DCDC1: variants seen among roughly 807,000 people sequenced by gnomAD.
DCDC1 encodes the protein doublecortin domain containing 1.
DCDC1 carries 200 observed loss-of-function variants against 178.3 expected under a neutral mutation model. The observed-to-expected ratio is 1.12, with a 90% confidence interval of 1.00 to 1.26. The LOEUF (loss-of-function observed/expected upper bound fraction) is 1.26. DCDC1 is among the 50% of genes most tolerant of loss of function. The pLI is 0.00. For missense variants in DCDC1, 1,983 were observed against 1,749.2 expected, an observed-to-expected ratio of 1.13 and a Z score of -2.38; for synonymous variants, 690 against 604.8, an observed-to-expected ratio of 1.14 and a Z score of -2.07.
intron 18 of DCDC1, among the ~76,000 whole-genome samples, chr11:31,075,918 G>C (rs1956835871): frequency 6.6e-6 from 1 of 152,130 alleles, no homozygotes; most frequent in African/African-American, 2.4e-5. Flanking sequence ...GGAGTGCAAT[G>C]GTGCGATCTT....
intron 9 of DCDC1, among the ~76,000 whole-genome samples, chr11:31,199,406 A>C (rs143368324): frequency 6.6e-6 from 1 of 152,222 alleles, no homozygotes; most frequent in East Asian, 1.9e-4. Flanking sequence ...CCTGGCCAAA[A>C]ATAATGAGTC....
chr11:31,143,234 G>T (rs1029873219), intron 9 of DCDC1, among the ~76,000 whole-genome samples: 1 of 152,106 alleles, frequency 6.6e-6, no homozygotes, highest in Non-Finnish European at 1.5e-5. Flanking sequence ...TAAATAATAG[G>T]TAGTATCTGG....
intron 23 of DCDC1, among the ~76,000 whole-genome samples, chr11:30,923,084 T>G (rs1049533083): frequency 6.6e-6 from 1 of 151,890 alleles, no homozygotes; most frequent in Admixed American, 6.6e-5. Flanking sequence ...AATTACAGAT[T>G]GGCAAAATTA....
intron 3 of DCDC1, among the ~76,000 whole-genome samples, chr11:31,325,557 G>A (rs956343651): frequency 4.6e-5 from 7 of 152,080 alleles, no homozygotes; most frequent in African/African-American, 1.7e-4. Context: ...ATGCAGCATG[G>A]AGTGACAGCA....
At chr11:31,287,436 A>G (rs1946915084) in intron 7 of DCDC1, among the ~76,000 whole-genome samples, 1 of 152,062 alleles carries the variant, frequency 6.6e-6, no homozygotes, top group Non-Finnish European at 1.5e-5. Flanking sequence ...TGTCAGAAAT[A>G]TATACAGTTT....
chr11:31,050,419 C>T (rs917633695), intron 20 of DCDC1, among the ~76,000 whole-genome samples: 6 of 152,172 alleles, frequency 3.9e-5, no homozygotes, highest in Non-Finnish European at 8.8e-5. Context: ...TCCCTATCAA[C>T]CCTGATAGTG....
At position 31,328,206 on chromosome 11, in the gene DCDC1, C is replaced by T; in HGVS notation, c.75G>A (p.Met25Ile). Reference protein sequence around the residue: ...QSSLSLLTEAMEVLQQSSPEG... With the variant: ...QSSLSLLTEAIEVLQQSSPEG... ...CAGGGCTACTTTGCTGTAATACTTC[C>T]ATTGCTTCAGTCAAGAGGGATAAGG... The change falls in exon 3 of 39, where the codon ATG (methionine) becomes ATA (isoleucine). Residue 25 changes from methionine to isoleucine, a missense_variant. Physicochemically the swap from Met to Ile is conservative, Grantham distance 10. Transcript: ENST00000684477. 1 of 1,612,032 alleles carries T rather than the reference C, an allele frequency of 6.2e-7. No individual in the cohort carries two copies. The highest frequency in any genetic ancestry group is 8.5e-7 in the Non-Finnish European group (1 of 1,178,682).
At chr11:31,349,628 A>G (rs1231674946) in intron 1 of DCDC1, among the ~76,000 whole-genome samples, 2 of 152,174 alleles carry the variant, frequency 1.3e-5, no homozygotes. Context: ...ATTAGTAATC[A>G]TTGTAATTTT....
Position 31,091,410 on chromosome 11 carries a change from T to C in DCDC1, c.2220A>G (p.Lys740=), listed in dbSNP as rs371147576. The C allele has an allele frequency of 5.3e-6, 4 of 751,600 alleles. No homozygotes were observed. The highest frequency in any genetic ancestry group is 9.8e-6 in the Non-Finnish European group (4 of 409,986). 46.6% of individuals were successfully genotyped at this position (751,600 alleles called of 1,614,324 possible). Residue 740 remains lysine, a synonymous_variant, in exon 17 of 39, where the codon AAA becomes AAG. Transcript: ENST00000684477. ...AAEGTSLEGY[K]LILQKRHSGD... ...AGCATTACCTTTTCTGTAAGATTAATTTATATCCTTCTAGTGATGTTCCCT... is the reference window on the plus strand; with the variant it reads ...AGCATTACCTTTTCTGTAAGATTAACTTATATCCTTCTAGTGATGTTCCCT...
intron 9 of DCDC1, among the ~76,000 whole-genome samples, chr11:31,150,880 C>CTTT (rs1965104283): frequency 6.6e-6 from 1 of 152,146 alleles, no homozygotes; most frequent in South Asian, 2.1e-4. Flanking sequence ...TACTAAACTT[C>CTTT]TGTGGGAATC....
Position 31,129,109 on chromosome 11 carries a change from T to G in DCDC1, c.1315-1470A>C, listed in dbSNP as rs1473968334. Among the ~76,000 whole-genome samples the G allele has an allele frequency of 7.2e-5, 11 of 152,272 alleles. No homozygotes were observed. In the East Asian group the frequency reaches 2.1e-3, roughly 29 times the overall value. ...TCTGATGTTAAATCCATTATTTCTA[T>G]CCCTTCTGCAGAGCATTCAGAGAAG... On this transcript the variant is annotated intron_variant, in intron 10 of 38. Coordinates refer to ENST00000684477, the MANE Select transcript of DCDC1 (RefSeq NM_001387274.1).
chr11:31,336,019 A>G (rs1351733664), intron 1 of DCDC1, among the ~76,000 whole-genome samples: 2 of 152,236 alleles, frequency 1.3e-5, no homozygotes. Flanking sequence ...ACTTATAATC[A>G]GTTAACAAAG....
At chr11:31,030,956 T>C (rs989125837) in intron 20 of DCDC1, among the ~76,000 whole-genome samples, 1 of 152,158 alleles carries the variant, frequency 6.6e-6, no homozygotes, top group East Asian at 1.9e-4. Flanking sequence ...TGAGTTCTTA[T>C]AAGCTTAAGG....
chr11:31,072,091 A>T (rs1048519729), intron 18 of DCDC1, among the ~76,000 whole-genome samples: 1 of 152,204 alleles, frequency 6.6e-6, no homozygotes, highest in Non-Finnish European at 1.5e-5. Flanking sequence ...TGAGTGTGTT[A>T]GTTTTCTTTT....
intron 20 of DCDC1, among the ~76,000 whole-genome samples, chr11:30,975,596 G>A (rs1950058389): frequency 6.6e-6 from 1 of 151,684 alleles, no homozygotes; most frequent in Non-Finnish European, 1.5e-5. Flanking sequence ...GAAAGAAATC[G>A]AGGCTCATTT....
intron 25 of DCDC1, 26 bp from the exon 26 acceptor site, chr11:30,917,054 A>G (rs770056544): frequency 6.4e-7 from 1 of 1,565,636 alleles, no homozygotes; most frequent in South Asian, 1.3e-5. Context: ...AGCAAACATA[A>G]GTCTAAGAAA....
chr11:30,926,128 C>T (rs1565084316), intron 22 of DCDC1, among the ~76,000 whole-genome samples: 1 of 152,144 alleles, frequency 6.6e-6, no homozygotes, highest in Non-Finnish European at 1.5e-5. Flanking sequence ...CTGCCATAGG[C>T]ACCTGCCCAG....
At chr11:30,892,692 T>C in intron 36 of DCDC1, 126 bp downstream of exon 36, 2 of 1,050,784 alleles carry the variant, frequency 1.9e-6, no homozygotes, top group Non-Finnish European at 1.4e-6. Context: ...AGGAAAGTAC[T>C]GTTACTATTT....
chr11:31,235,362 T>G (rs1267201004), intron 9 of DCDC1, among the ~76,000 whole-genome samples: 1 of 151,562 alleles, frequency 6.6e-6, no homozygotes, highest in African/African-American at 2.4e-5. Context: ...CTCTATAAAC[T>G]TAGAAAAATG....
Sources: gnomAD v4.1 joint callset for allele counts (sites outside exome capture counted in the v4.1 genomes callset) on GRCh38, gnomAD v4.1.1 for gene constraint, MANE v1.5 for transcripts, NCBI Gene and HGNC (gene_info 2026-07-23, HGNC 2026-07-21) for gene names.